Variants in RANBP17 observed in about 807,000 individuals in gnomAD.
RANBP17 encodes the protein ran-binding protein 17.
A neutral mutation model predicts 141.2 loss-of-function variants in RANBP17; 158 were observed. That is an observed-to-expected ratio of 1.12 (90% CI 0.98 to 1.28). The LOEUF (loss-of-function observed/expected upper bound fraction) is 1.28. Among genes scored for constraint, RANBP17 ranks in the 50% most tolerant of loss-of-function variants. The pLI is 0.00. For synonymous variants in RANBP17, 430 were observed against 450.0 expected (o/e 0.96, Z 0.56); for missense variants, 1,438 against 1,290.7 (o/e 1.11, Z -1.75).
chr5:170,946,064 A>G (rs1774733045), intron 12 of RANBP17, among the ~76,000 whole-genome samples: 6 of 152,176 alleles, frequency 3.9e-5, no homozygotes, highest in Admixed American at 3.9e-4. Context: ...TAGTTTGAGA[A>G]TGAACTTTTG....
intron 16 of RANBP17, among the ~76,000 whole-genome samples, chr5:171,173,836 A>G (rs1760261767): frequency 6.6e-6 from 1 of 152,138 alleles, no homozygotes; most frequent in South Asian, 2.1e-4. Context: ...TGGCTCCAGG[A>G]CCATACTTTG....
At chr5:171,009,887 C>A (rs552649916) in intron 14 of RANBP17, among the ~76,000 whole-genome samples, 1 of 152,210 alleles carries the variant, frequency 6.6e-6, no homozygotes, top group Non-Finnish European at 1.5e-5. Flanking sequence ...TAAGATGCAC[C>A]TTTATGGAAA....
intron 4 of RANBP17, among the ~76,000 whole-genome samples, chr5:170,894,385 A>G (rs1026012090): frequency 5.9e-5 from 9 of 151,778 alleles, no homozygotes; most frequent in East Asian, 3.9e-4. Flanking sequence ...TTGGGATTCA[A>G]TGTACCTTTA....
chr5:170,944,040 T>C (rs544866537), intron 12 of RANBP17, among the ~76,000 whole-genome samples: 1 of 152,278 alleles, frequency 6.6e-6, no homozygotes, highest in Admixed American at 6.5e-5. Flanking sequence ...TAACCACCAT[T>C]TTACACTCTG....
At chr5:171,089,715 C>T (rs1015793550) in intron 14 of RANBP17, among the ~76,000 whole-genome samples, 22 of 152,252 alleles carry the variant, frequency 1.4e-4, no homozygotes, top group African/African-American at 4.8e-4. Context: ...GGGAGTGACC[C>T]GATTTTCCAG....
Position 170,918,868 on chromosome 5 carries a change from A to C in RANBP17, c.1101+9A>C. On this transcript the variant is annotated intron_variant, in intron 10 of 27. Coordinates refer to ENST00000523189, the MANE Select transcript of RANBP17 (RefSeq NM_022897.5). ...CCATTACTAGCCTACAGGTAGGTAA[A>C]AATATGTAATTATGTTAAACTGTAG... 1 of 1,539,366 alleles carries C rather than the reference A, an allele frequency of 6.5e-7. No individual in the cohort carries two copies. Among genetic ancestry groups the C allele is most frequent in the Non-Finnish European group, 8.8e-7 (1 of 1,137,622 alleles).
In RANBP17 at chr5:170,953,447, C is replaced by T. The variant is rs1047388575; in HGVS notation, c.1469-150C>T. ...TTCTACTGCCTTGATAAACTTAAAA[C>T]CGATCTGCTTTCTATCCAGAACTGA... On this transcript the variant is annotated intron_variant, in intron 12 of 27. Transcript: ENST00000523189. 7 of 557,344 alleles carry T rather than the reference C, an allele frequency of 1.3e-5. No homozygotes were observed. In the Admixed American group the frequency reaches 2.1e-4, roughly 17 times the overall value. The allele number at this position is 557,344 out of a possible 1,614,324, so 34.5% of individuals were successfully genotyped here. A position where few individuals can be genotyped will look rare whatever the true frequency, so the allele number is the denominator to read the frequency against.
At chr5:171,055,602 A>G (rs1325163581) in intron 14 of RANBP17, among the ~76,000 whole-genome samples, 1 of 152,070 alleles carries the variant, frequency 6.6e-6, no homozygotes, top group African/African-American at 2.4e-5. Flanking sequence ...GAGCCTAACC[A>G]TGGGTTTGTA....
chr5:171,005,733 A>G (rs550774976), intron 14 of RANBP17, among the ~76,000 whole-genome samples: 231 of 152,370 alleles, frequency 1.5e-3, no homozygotes, highest in Non-Finnish European at 2.3e-3. Context: ...CAAAAGCCAG[A>G]ATTGACAAAT....
chr5:170,896,972 A>G (rs1438559268), intron 5 of RANBP17: 2 of 1,050,808 alleles, frequency 1.9e-6, no homozygotes, highest in East Asian at 2.9e-5. Flanking sequence ...TGCGAAAACC[A>G]GATTGGCTGC....
chr5:170,967,703 A>T (rs1006203412), intron 13 of RANBP17, among the ~76,000 whole-genome samples: 2 of 151,702 alleles, frequency 1.3e-5, no homozygotes, highest in African/African-American at 4.8e-5. Flanking sequence ...TGTAAAGATC[A>T]CCTTGTAGTT....
chr5:171,259,398 T>C (rs1045351281), intron 24 of RANBP17, among the ~76,000 whole-genome samples: 1 of 152,102 alleles, frequency 6.6e-6, no homozygotes, highest in Non-Finnish European at 1.5e-5. Flanking sequence ...AGATAGTATA[T>C]CACAGGACTG....
At chr5:171,148,665 A>G (rs1758259129) in intron 14 of RANBP17, among the ~76,000 whole-genome samples, 1 of 152,088 alleles carries the variant, frequency 6.6e-6, no homozygotes, top group Non-Finnish European at 1.5e-5. Flanking sequence ...GTAATTGGTT[A>G]AGAGTATGGG....
chr5:171,064,329 T>C (rs1784145702), intron 14 of RANBP17, among the ~76,000 whole-genome samples: 1 of 152,244 alleles, frequency 6.6e-6, no homozygotes. Context: ...AATGTATTTT[T>C]AAGCTTTTGA....
intron 16 of RANBP17, among the ~76,000 whole-genome samples, chr5:171,178,218 G>T (rs1279936312): frequency 1.7e-5 from 2 of 115,608 alleles, no homozygotes; most frequent in Admixed American, 2.6e-4. Flanking sequence ...TCCCCTCCCT[G>T]TGTCCATGTG....
intron 1 of RANBP17, among the ~76,000 whole-genome samples, chr5:170,872,846 A>G (rs1767863204): frequency 6.6e-6 from 1 of 152,126 alleles, no homozygotes; most frequent in South Asian, 2.1e-4. Context: ...ACTGATTTGC[A>G]TATGTTGAAC....
At chr5:171,175,765 A>G (rs1351048407) in intron 16 of RANBP17, among the ~76,000 whole-genome samples, 1 of 152,158 alleles carries the variant, frequency 6.6e-6, no homozygotes, top group African/African-American at 2.4e-5. Context: ...CAGACTCTAT[A>G]AGAGAGTTCC....
At chr5:170,963,339 A>G (rs1172755879) in intron 13 of RANBP17, among the ~76,000 whole-genome samples, 1 of 152,216 alleles carries the variant, frequency 6.6e-6, no homozygotes, top group African/African-American at 2.4e-5. Context: ...TCAGTGTATC[A>G]TAGAGGTAAA....
At chr5:171,004,188 C>T (rs956168731) in intron 14 of RANBP17, among the ~76,000 whole-genome samples, 4 of 151,628 alleles carry the variant, frequency 2.6e-5, no homozygotes, top group East Asian at 1.9e-4. Context: ...TAGTAATGGG[C>T]GTGTGATCGG....
Sources: gnomAD v4.1 joint callset for allele counts (sites outside exome capture counted in the v4.1 genomes callset) on GRCh38, gnomAD v4.1.1 for gene constraint, MANE v1.5 for transcripts, NCBI Gene and HGNC (gene_info 2026-07-23, HGNC 2026-07-21) for gene names.